Variants in TRRAP observed in about 807,000 individuals in gnomAD.
TRRAP encodes the protein transformation/transcription domain associated protein.
Under a neutral mutation model 438.8 loss-of-function variants are expected in TRRAP, and 41 were observed. The ratio of observed to expected loss-of-function variants is 0.09; its 90% CI spans 0.07 to 0.12. TRRAP has a LOEUF of 0.12. Among genes scored for constraint, TRRAP ranks in the 10% least tolerant of loss-of-function variants. The pLI is 1.00. For synonymous variants in TRRAP, 1,994 were observed against 1,962.9 expected, an observed-to-expected ratio of 1.02 and a Z score of -0.42; for missense variants, 3,122 against 5,055.1, an observed-to-expected ratio of 0.62 and a Z score of 11.60.
At chr7:98,991,113 G>T (rs1793410484) in intron 64 of TRRAP, among the ~76,000 whole-genome samples, 1 of 152,182 alleles carries the variant, frequency 6.6e-6, no homozygotes, top group Admixed American at 6.5e-5. Context: ...GCCAGGCCGG[G>T]GAAGCGGACA....
In TRRAP at chr7:98,938,892, C is replaced by T. The variant is rs1173000799; in HGVS notation, c.4404+1072C>T. Among the ~76,000 whole-genome samples the T allele has an allele frequency of 2.6e-5, 4 of 152,338 alleles. No homozygotes were observed. In the South Asian group the frequency reaches 8.3e-4, roughly 32 times the overall value. ...CTCCAAAGAAATTTTTACCAATATA[C>T]ACTCCTACAAAATAGATAAGTGTGC... On this transcript the variant is annotated intron_variant, in intron 30 of 72. Transcript: ENST00000456197.
At chr7:98,960,785 G>A (rs927786868) in intron 45 of TRRAP, among the ~76,000 whole-genome samples, 2 of 151,692 alleles carry the variant, frequency 1.3e-5, no homozygotes, top group African/African-American at 4.8e-5. Flanking sequence ...GTGTGTGTGT[G>A]TGTGTATTTT....
At chr7:98,957,296 A>G (rs372455960) in intron 43 of TRRAP, among the ~76,000 whole-genome samples, 17 of 152,124 alleles carry the variant, frequency 1.1e-4, no homozygotes, top group African/African-American at 3.6e-4. Flanking sequence ...CTCCGCCTCC[A>G]CTTTTATTCC....
At chr7:98,907,571 G>T (rs1796838190) in intron 13 of TRRAP, among the ~76,000 whole-genome samples, 1 of 152,172 alleles carries the variant, frequency 6.6e-6, no homozygotes, top group Non-Finnish European at 1.5e-5. Flanking sequence ...CCTAGAATTG[G>T]ACGTTAGATT....
chr7:98,960,759 TTGTGTGTGTG>T (rs35384186), intron 45 of TRRAP, among the ~76,000 whole-genome samples: 2 of 144,834 alleles, frequency 1.4e-5, no homozygotes, highest in African/African-American at 2.5e-5. Context: ...GCCTGGCTTT[TTGTGTGTGTG>T]TGTGTGTGTG....
Position 98,881,141 on chromosome 7 carries a change from C to A in TRRAP, c.-10C>A. ...TTTTCTCTTGAGAAGCAAACCAGCC[C>A]AAAAGAAAAATGGCGTTTGTTGCAA... On this transcript the variant is annotated 5_prime_UTR_variant, in exon 2 of 73. Transcript: ENST00000456197. 1 of 1,600,036 alleles carries A rather than the reference C, an allele frequency of 6.2e-7. No homozygotes were observed. The highest frequency in any genetic ancestry group is 8.5e-7 in the Non-Finnish European group (1 of 1,172,696).
chr7:98,981,379 G>A (rs113441927), intron 58 of TRRAP, among the ~76,000 whole-genome samples: 2,012 of 152,270 alleles, frequency 0.013, 14 homozygotes, highest in Non-Finnish European at 0.02. Flanking sequence ...TGCAGGCTGG[G>A]CAACAGAGCA....
intron 46 of TRRAP, 46 bp from the exon 47 acceptor site, chr7:98,962,256 G>T (rs748248086): frequency 6.2e-7 from 1 of 1,612,994 alleles, no homozygotes; most frequent in Non-Finnish European, 8.5e-7. Context: ...GCACTGGTGG[G>T]CCCAAGAGCC....
chr7:98,939,462 G>A (rs533961725), intron 30 of TRRAP, among the ~76,000 whole-genome samples: 15 of 152,236 alleles, frequency 9.9e-5, no homozygotes, highest in African/African-American at 3.4e-4. Flanking sequence ...ATATCTACAA[G>A]TACCTAAATA....
rs1229197319 is a variant in TRRAP at position 98,965,780 on chromosome 7, T to C, written c.7061T>C (p.Ile2354Thr). 1 of 1,614,092 alleles carries C rather than the reference T, an allele frequency of 6.2e-7. No individual in the cohort carries two copies. The highest frequency in any genetic ancestry group is 1.1e-5 in the South Asian group (1 of 91,070). Reference protein sequence around the residue: ...VMSMEMRKNFIQAILTSLIEK... With the variant: ...VMSMEMRKNFTQAILTSLIEK... ...AGCATGGAGATGCGGAAGAACTTCA[T>C]CCAGGCCATCCTGACATCCCTCATC... is the stretch of plus-strand genomic sequence containing the variant. The change falls in exon 49 of 73, where the codon ATC becomes ACC. Residue 2354 changes from isoleucine to threonine, a missense_variant. Ile to Thr is a moderately conservative substitution (Grantham distance 89). Coordinates refer to ENST00000456197, the MANE Select transcript of TRRAP (RefSeq NM_001375524.1).
Position 98,956,134 on chromosome 7 carries a change from C to T in TRRAP, c.5938-12C>T. On this transcript the variant is annotated splice_polypyrimidine_tract_variant and intron_variant, in intron 41 of 72. Transcript: ENST00000456197. This position sits in a 1 kb window ranked among gnomAD's most constrained non-coding sequence, Gnocchi z 4.5. The stretch of plus-strand genomic sequence containing the variant: ...CCCATGTTCCGGCGTGATGCTGGCC[C>T]TGCGTCCGCAGGTGTACTACCCGGT... 1 of 1,606,480 alleles carries T rather than the reference C, an allele frequency of 6.2e-7. No individual in the cohort carries two copies. Among genetic ancestry groups the T allele is most frequent in the East Asian group, 2.2e-5 (1 of 44,734 alleles).
chr7:98,993,547 A>C lies in TRRAP; in HGVS notation c.9857A>C (p.Gln3286Pro). Residue 3286 changes from glutamine (Q) to proline (P), a missense_variant, in exon 66 of 73, where the codon CAG becomes CCG. Coordinates refer to ENST00000456197, the MANE Select transcript of TRRAP (RefSeq NM_001375524.1). ...TGTGTGTTGCTCTCAGATTCTGGAC[A>C]GCAGCAGCCAAGTTCAGTGGGTAAC... ...QRERYKSDSG[Q>P]QQPSSVGNQS... 3 of 1,611,146 alleles carry C rather than the reference A, an allele frequency of 1.9e-6. 1 individual carries two copies. In the South Asian group the frequency reaches 3.3e-5, roughly 18 times the overall value.
Position 99,005,236 on chromosome 7 carries a change from C to G in TRRAP, c.10641C>G (p.Asp3547Glu), listed in dbSNP as rs768396078. 8 of 1,614,170 alleles carry G rather than the reference C, an allele frequency of 5.0e-6. No homozygotes were observed. The highest frequency in any genetic ancestry group is 5.9e-6 in the Non-Finnish European group (7 of 1,180,038). Residue 3547 changes from aspartate (D) to glutamate (E), a missense_variant, in exon 69 of 73, where the codon GAC (aspartate) becomes GAG (glutamate). Asp to Glu is a conservative substitution (Grantham distance 45). This residue lies in a region of TRRAP where 95 missense variants were observed against 144.1 expected (regional missense o/e 0.66). Coordinates refer to ENST00000456197, the MANE Select transcript of TRRAP (RefSeq NM_001375524.1). The surrounding 1 kb of genome is among the most constrained non-coding windows in gnomAD (Gnocchi z 5.1). ...TCTACCCATACCTCGTCATGAACGA[C>G]GCCTGCCTCACAGAGTCACGGCGAG... is the stretch of plus-strand genomic sequence containing the variant. Reference protein sequence around the residue: ...GKIYPYLVMNDACLTESRREE... With the variant: ...GKIYPYLVMNEACLTESRREE...
chr7:98,984,386 G>A (rs746068905), intron 61 of TRRAP, 28 bp downstream of exon 61: 2 of 1,506,972 alleles, frequency 1.3e-6, no homozygotes, highest in South Asian at 2.7e-5. Context: ...GAAGAATGAG[G>A]CCAGGTGGAG....
intron 49 of TRRAP, 68 bp downstream of exon 49, chr7:98,965,963 G>A (rs1792134479): frequency 1.3e-6 from 2 of 1,563,890 alleles, no homozygotes; most frequent in Non-Finnish European, 1.7e-6. Context: ...CAACATCTTG[G>A]TCTTTCTGAA....
chr7:98,985,162 A>G (rs1244183210), intron 62 of TRRAP, 118 bp downstream of exon 62: 19 of 693,924 alleles, frequency 2.7e-5, no homozygotes, highest in Non-Finnish European at 2.4e-6. Context: ...GGTGACAGTC[A>G]TTAGGTAGGA....
intron 66 of TRRAP, 117 bp downstream of exon 66, chr7:98,993,854 G>T (rs1056015059): frequency 1.9e-6 from 2 of 1,050,790 alleles, no homozygotes; most frequent in Non-Finnish European, 2.8e-6. Flanking sequence ...TATATTTGTT[G>T]TTGAACTTAA....
In TRRAP at chr7:98,956,071, GCACGTGCGCA is replaced by G; in HGVS notation, c.5938-67_5938-58del. The G allele has an allele frequency of 6.6e-7, 1 of 1,518,992 alleles. No individual in the cohort carries two copies. Among genetic ancestry groups the G allele is most frequent in the South Asian group, 1.3e-5 (1 of 79,366 alleles). The allele number at this position is 1,518,992 out of a possible 1,614,324, so 94.1% of individuals were successfully genotyped here. A position where few individuals can be genotyped will look rare whatever the true frequency, so the allele number is the denominator to read the frequency against. Reference sequence around the variant, plus strand: ...AGAGGCATGTCGGGGGTGTGTGTGTGCACGTGCGCACACGTGCATGCACTGTGGGACCAAG... The same window carrying G: ...AGAGGCATGTCGGGGGTGTGTGTGTGCACGTGCATGCACTGTGGGACCAAG... On this transcript the variant is annotated intron_variant, in intron 41 of 72. Transcript: ENST00000456197. The surrounding 1 kb of genome is among the most constrained non-coding windows in gnomAD (Gnocchi z 4.5).
intron 46 of TRRAP, 78 bp downstream of exon 46, chr7:98,961,552 T>G: frequency 6.5e-7 from 1 of 1,527,114 alleles, no homozygotes; most frequent in Non-Finnish European, 9.0e-7. Flanking sequence ...GCGCTTGTCC[T>G]CCAGTTATTG....
Sources: allele counts gnomAD v4.1 joint callset (sites outside exome capture counted in the v4.1 genomes callset), GRCh38; gene constraint gnomAD v4.1.1; regional missense constraint gnomAD v4.1.1; non-coding constraint Gnocchi (gnomAD v3.1); transcripts MANE v1.5; gene names NCBI Gene and HGNC (gene_info 2026-07-23, HGNC 2026-07-21).